The following PLA2G4A variants were observed in gnomAD, a reference collection of about 807,000 sequenced individuals.
The protein encoded by PLA2G4A is cytosolic phospholipase A2.
Under a neutral mutation model 81.9 loss-of-function variants are expected in PLA2G4A, and 40 were observed. The observed-to-expected ratio is 0.49, with a 90% CI of 0.38 to 0.64. The LOEUF is 0.64. Among genes scored for constraint, PLA2G4A ranks in the 30% least tolerant of loss-of-function variants. PLA2G4A has a pLI of 0.00. For synonymous variants in PLA2G4A, 302 were observed against 296.9 expected, an observed-to-expected ratio of 1.02 and a Z score of -0.18; for missense variants, 715 against 905.1, an observed-to-expected ratio of 0.79 and a Z score of 2.69.
chr1:186,958,124 G>A (rs570986774), intron 14 of PLA2G4A, among the ~76,000 whole-genome samples: 34 of 152,112 alleles, frequency 2.2e-4, no homozygotes, highest in Admixed American at 1.2e-3. Context: ...GACCCCTGTT[G>A]TTTAAACAAG....
intron 1 of PLA2G4A, among the ~76,000 whole-genome samples, chr1:186,839,743 T>C (rs1651912568): frequency 6.6e-6 from 1 of 152,034 alleles, no homozygotes; most frequent in Non-Finnish European, 1.5e-5. Flanking sequence ...CAAAAGTAGG[T>C]AGTATAAAAA....
At chr1:186,861,679 G>T (rs1652808917) in intron 2 of PLA2G4A, among the ~76,000 whole-genome samples, 1 of 152,038 alleles carries the variant, frequency 6.6e-6, no homozygotes, top group Non-Finnish European at 1.5e-5. Flanking sequence ...AGATGCTAAA[G>T]TCATCCCCCA....
intron 13 of PLA2G4A, among the ~76,000 whole-genome samples, chr1:186,951,309 G>A (rs1003016122): frequency 1.3e-5 from 2 of 152,066 alleles, no homozygotes; most frequent in African/African-American, 4.8e-5. Flanking sequence ...ATGATAGTCA[G>A]TGATGGACTT....
intron 15 of PLA2G4A, among the ~76,000 whole-genome samples, chr1:186,975,823 T>G (rs769194101): frequency 1.3e-5 from 2 of 152,182 alleles, no homozygotes; most frequent in East Asian, 1.9e-4. Context: ...AGCTAGCAAG[T>G]TTTAGGGTGT....
intron 1 of PLA2G4A, among the ~76,000 whole-genome samples, chr1:186,845,983 G>T (rs1185906558): frequency 1.3e-5 from 2 of 152,304 alleles, no homozygotes; most frequent in African/African-American, 4.8e-5. Flanking sequence ...AGACTTAAGA[G>T]ACTTTGTACA....
At chr1:186,952,686 C>T (rs929442402) in intron 13 of PLA2G4A, among the ~76,000 whole-genome samples, 1 of 151,306 alleles carries the variant, frequency 6.6e-6, no homozygotes, top group Admixed American at 6.6e-5. Context: ...AGTTTCACTG[C>T]TCTAAAAATC....
chr1:186,949,339 A>G (rs765620814), intron 12 of PLA2G4A, among the ~76,000 whole-genome samples: 14 of 69,010 alleles, frequency 2.0e-4, no homozygotes, highest in Non-Finnish European at 5.4e-4. Context: ...AGGAAAGAAG[A>G]AAGAAAGAGA....
chr1:186,860,505 T>C (rs2102039930), intron 2 of PLA2G4A, among the ~76,000 whole-genome samples: 1 of 152,264 alleles, frequency 6.6e-6, no homozygotes, highest in South Asian at 2.1e-4. Context: ...ACAAATTGGG[T>C]GATGCCCAAC....
intron 13 of PLA2G4A, among the ~76,000 whole-genome samples, chr1:186,952,861 G>GT (rs1656613847): frequency 6.6e-6 from 1 of 152,046 alleles, no homozygotes; most frequent in Non-Finnish European, 1.5e-5. Context: ...GTTCCTCTAT[G>GT]TTTTTTCTTG....
intron 3 of PLA2G4A, among the ~76,000 whole-genome samples, chr1:186,873,754 G>A (rs1466234309): frequency 6.6e-6 from 1 of 152,052 alleles, no homozygotes; most frequent in Non-Finnish European, 1.5e-5. Context: ...CCAATAAACT[G>A]TCTTTTGAAG....
chr1:186,984,827 A>G (rs918227719), intron 17 of PLA2G4A, among the ~76,000 whole-genome samples: 5 of 152,214 alleles, frequency 3.3e-5, no homozygotes, highest in African/African-American at 9.6e-5. Context: ...GCATGGAAAG[A>G]AGAATTAAAA....
In PLA2G4A at chr1:186,952,862, T is replaced by A. The variant is rs113182151; in HGVS notation, c.1336+2134T>A. Among the ~76,000 whole-genome samples the A allele has an allele frequency of 5.5e-3, 839 of 152,312 alleles. 6 individuals are homozygous for A. The highest frequency in any genetic ancestry group is 0.019 in the African/African-American group (807 of 41,556). ...AGTGTGCATTTAAAGTTCCTCTATG[T>A]TTTTTCTTGGCTTCATAGCTTATTT... is the stretch of plus-strand genomic sequence containing the variant. On this transcript the variant is annotated intron_variant, in intron 13 of 17. Transcript: ENST00000367466.
chr1:186,963,330 C>T (rs1474816736), intron 14 of PLA2G4A, among the ~76,000 whole-genome samples: 2 of 152,196 alleles, frequency 1.3e-5, no homozygotes, highest in Non-Finnish European at 2.9e-5. Context: ...TTCAGTCTTA[C>T]ATCGTTACAT....
chr1:186,939,352 G>T, intron 9 of PLA2G4A, 122 bp downstream of exon 9: 1 of 493,478 alleles, frequency 2.0e-6, no homozygotes, highest in Non-Finnish European at 3.5e-6. Flanking sequence ...CTACTTATTT[G>T]TCCAACTATG....
In PLA2G4A at chr1:186,920,716, C is replaced by T. The variant is rs1236626031; in HGVS notation, c.558+9327C>T. Reference sequence around the variant, plus strand: ...ATTAGACTGGGTATTCTTCCCAGAACCCCCCTTTTCCTCTCCTTTCAGGGG... The same window carrying T: ...ATTAGACTGGGTATTCTTCCCAGAATCCCCCTTTTCCTCTCCTTTCAGGGG... On this transcript the variant is annotated intron_variant, in intron 7 of 17. Transcript: ENST00000367466. Among the ~76,000 whole-genome samples, 4 of 152,162 alleles carry T rather than the reference C, an allele frequency of 2.6e-5. No individual in the cohort carries two copies. In the East Asian group the frequency reaches 7.8e-4, roughly 30 times the overall value.
chr1:186,850,902 T>C lies in PLA2G4A; in HGVS notation c.-69-3384T>C, dbSNP rs1019553729. On this transcript the variant is annotated intron_variant, in intron 1 of 17. Coordinates refer to ENST00000367466, the MANE Select transcript of PLA2G4A (RefSeq NM_024420.3). ...AAGTGGCAAATATATAAAAAAAACT[T>C]ATTTTCTACTGTCACAACAATAATT... Among the ~76,000 whole-genome samples the C allele has an allele frequency of 2.7e-4, 41 of 152,126 alleles. 1 individual carries two copies. Among genetic ancestry groups the C allele is most frequent in the African/African-American group, 9.9e-4 (41 of 41,454 alleles).
intron 3 of PLA2G4A, among the ~76,000 whole-genome samples, chr1:186,879,815 TTTTG>T (rs1377983660): frequency 2.1e-5 from 3 of 143,528 alleles, no homozygotes; most frequent in Non-Finnish European, 1.5e-5. Context: ...TTATTTTAAT[TTTTG>T]TTTATTTTTA....
At chr1:186,882,250 A>C (rs1371110285) in intron 3 of PLA2G4A, among the ~76,000 whole-genome samples, 1 of 152,132 alleles carries the variant, frequency 6.6e-6, no homozygotes, top group East Asian at 1.9e-4. Context: ...CCCAATAGGA[A>C]AACAAAACAA....
intron 5 of PLA2G4A, among the ~76,000 whole-genome samples, chr1:186,899,939 G>A (rs1571380872): frequency 6.6e-6 from 1 of 152,306 alleles, no homozygotes; most frequent in Admixed American, 6.5e-5. Context: ...GTGAGGATCC[G>A]CTGAAGGTGG....
Sources: gnomAD v4.1 joint callset for allele counts (sites outside exome capture counted in the v4.1 genomes callset) on GRCh38, gnomAD v4.1.1 for gene constraint, MANE v1.5 for transcripts, NCBI Gene and HGNC (gene_info 2026-07-23, HGNC 2026-07-21) for gene names.